The following SNX25 variants were observed in gnomAD, a reference collection of about 807,000 sequenced individuals.
The protein encoded by SNX25 is sorting nexin 25, also known as sorting nexin-25.
SNX25 carries 62 observed loss-of-function variants against 113.7 expected under a neutral mutation model. That is an observed-to-expected ratio of 0.55 (90% CI 0.44 to 0.67). The LOEUF is 0.67. Ranked by LOEUF, SNX25 falls within the 30% of genes least tolerant of loss-of-function variation. The pLI is 0.00. For missense variants in SNX25, 1,014 were observed against 1,161.0 expected (o/e 0.87, Z 1.84); for synonymous variants, 421 against 436.2 (o/e 0.97, Z 0.43).
At chr4:185,326,674 T>A (rs1018557643) in intron 9 of SNX25, among the ~76,000 whole-genome samples, 1 of 152,188 alleles carries the variant, frequency 6.6e-6, no homozygotes, top group Non-Finnish European at 1.5e-5. Context: ...CGAACACCAT[T>A]TTATATTTGA....
intron 1 of SNX25, among the ~76,000 whole-genome samples, chr4:185,221,893 C>T (rs1387924550): frequency 6.6e-6 from 1 of 152,090 alleles, no homozygotes; most frequent in Non-Finnish European, 1.5e-5. Flanking sequence ...TATCTTTCAA[C>T]TTACATATTC....
In SNX25 at chr4:185,295,574, C is replaced by T. The variant is rs771843930; in HGVS notation, c.1162+7492C>T. Among the ~76,000 whole-genome samples, 38 of 151,864 alleles carry T rather than the reference C, an allele frequency of 2.5e-4. No individual in the cohort carries two copies. In the Middle Eastern group the frequency reaches 0.01, roughly 41 times the overall value. The stretch of plus-strand genomic sequence containing the variant: ...AAGTGATCCTCCCACCTCAGCTTCC[C>T]GAGTAGCTGGGATGACAGGTGCACA... On this transcript the variant is annotated intron_variant, in intron 6 of 18. Coordinates refer to ENST00000652585, the MANE Select transcript of SNX25 (RefSeq NM_001378034.2).
intron 1 of SNX25, among the ~76,000 whole-genome samples, chr4:185,214,052 C>T (rs551587350): frequency 2.0e-5 from 3 of 151,710 alleles, no homozygotes; most frequent in Non-Finnish European, 4.4e-5. Context: ...AATTATTTCT[C>T]TCTCTCTTCT....
At chr4:185,240,627 G>A (rs569732656) in intron 1 of SNX25, among the ~76,000 whole-genome samples, 161 of 149,406 alleles carry the variant, frequency 1.1e-3, no homozygotes, top group African/African-American at 3.6e-3. Flanking sequence ...CCTCCCGGAC[G>A]GAGCGGCTGG....
At chr4:185,348,585 C>T (rs1434918381) in intron 13 of SNX25, among the ~76,000 whole-genome samples, 4 of 151,980 alleles carry the variant, frequency 2.6e-5, no homozygotes, top group African/African-American at 4.8e-5. Flanking sequence ...TTAGTAGAGA[C>T]GGGGTTTCAT....
At chr4:185,283,756 A>T (rs1750971072) in intron 5 of SNX25, among the ~76,000 whole-genome samples, 1 of 152,192 alleles carries the variant, frequency 6.6e-6, no homozygotes, top group African/African-American at 2.4e-5. Context: ...CCTTCTCTGT[A>T]ATGTGGACAT....
chr4:185,346,562 A>G lies in SNX25; in HGVS notation c.2213A>G (p.Gln738Arg), dbSNP rs893782692. The part of the protein sequence containing the change: ...SECVPSLKKV[Q>R]LPSLSKLPFK... ...TGCGTCCCTTCTTTAAAAAAAGTCCAGTTGCCTTCTCTTAGCAAGCTGCCT... is the reference window on the plus strand; with the variant it reads ...TGCGTCCCTTCTTTAAAAAAAGTCCGGTTGCCTTCTCTTAGCAAGCTGCCT... Residue 738 changes from glutamine to arginine, a missense_variant, in exon 13 of 19, where the codon CAG (glutamine) becomes CGG (arginine). Gln to Arg is a conservative substitution (Grantham distance 43). Coordinates refer to ENST00000652585, the MANE Select transcript of SNX25 (RefSeq NM_001378034.2). The G allele has an allele frequency of 1.3e-6, 2 of 1,597,244 alleles. No homozygotes were observed. Among genetic ancestry groups the G allele is most frequent in the African/African-American group, 2.7e-5 (2 of 73,748 alleles).
Position 185,302,045 on chromosome 4 carries a change from G to A in SNX25, c.1163-8590G>A, listed in dbSNP as rs111498344. 1.0e-4 allele frequency among the ~76,000 whole-genome samples: 15 copies of A among 150,542 alleles called. 1 individual carries two copies. Among genetic ancestry groups the A allele is most frequent in the Middle Eastern group, 3.5e-3 (1 of 288 alleles). ...CTCCTGAGTAGCTGGGATTACAGGT[G>A]CCCGTCACCACATGCAGCTAATTTT... On this transcript the variant is annotated intron_variant, in intron 6 of 18. Transcript: ENST00000652585.
intron 13 of SNX25, among the ~76,000 whole-genome samples, chr4:185,348,587 G>C (rs985651962): frequency 2.0e-5 from 3 of 152,110 alleles, no homozygotes; most frequent in South Asian, 4.2e-4. Context: ...AGTAGAGACG[G>C]GGTTTCATCA....
upstream of SNX25, among the ~76,000 whole-genome samples, chr4:185,204,860 AAGGAACTAG>A (rs544972960): frequency 1.6e-4 from 24 of 152,276 alleles, no homozygotes; most frequent in South Asian, 1.2e-3. Context: ...AAACCTCAGG[AAGGAACTAG>A]AGCCTGCAAA....
intron 4 of SNX25, 55 bp downstream of exon 4, chr4:185,264,665 A>T (rs1747801721): frequency 3.2e-6 from 5 of 1,546,160 alleles, no homozygotes; most frequent in Non-Finnish European, 4.5e-6. Flanking sequence ...CTAATGTGCT[A>T]CATGCAGACC....
chr4:185,243,847 TAAG>T (rs1744444381), intron 1 of SNX25, among the ~76,000 whole-genome samples: 1 of 151,854 alleles, frequency 6.6e-6, no homozygotes, highest in Non-Finnish European at 1.5e-5. Flanking sequence ...AGATAAAAAA[TAAG>T]AATAAAAAAT....
At chr4:185,374,457 T>C, downstream of SNX25, 1 of 1,604,808 alleles carries the variant, frequency 6.2e-7, no homozygotes, top group East Asian at 2.2e-5. Flanking sequence ...GTCCACCCCT[T>C]TCTCCTTCGA....
intron 1 of SNX25, among the ~76,000 whole-genome samples, chr4:185,224,528 CATATAT>C (rs1018148305): frequency 9.7e-6 from 1 of 103,458 alleles, no homozygotes; most frequent in African/African-American, 3.6e-5. Context: ...AATATATATA[CATATAT>C]ATAAATATAT....
intron 2 of SNX25, among the ~76,000 whole-genome samples, chr4:185,249,304 T>C (rs1745309686): frequency 6.6e-6 from 1 of 152,196 alleles, no homozygotes; most frequent in African/African-American, 2.4e-5. Flanking sequence ...CACCAACATT[T>C]GCTGTTGTTT....
intron 1 of SNX25, among the ~76,000 whole-genome samples, chr4:185,241,978 T>C (rs1744124438): frequency 6.6e-6 from 1 of 152,224 alleles, no homozygotes; most frequent in South Asian, 2.1e-4. Flanking sequence ...ATTCATGTTT[T>C]AAATTTGTTG....
At chr4:185,378,611 T>C in the SNX25 span, 12 of 991,194 alleles carry the variant, frequency 1.2e-5, no homozygotes, top group Non-Finnish European at 1.4e-5. Flanking sequence ...ATCGGACGAA[T>C]CCATTTCAAA....
Position 185,310,415 on chromosome 4 carries a change from G to T in SNX25, c.1163-220G>T, listed in dbSNP as rs1016155924. Among the ~76,000 whole-genome samples, 9 of 142,038 alleles carry T rather than the reference G, an allele frequency of 6.3e-5. No individual in the cohort carries two copies. Among genetic ancestry groups the T allele is most frequent in the Middle Eastern group, 3.5e-3 (1 of 282 alleles). The allele number at this position is 142,038 out of a possible 152,430, so 93.2% of individuals were successfully genotyped here. ...TTTTAAAAAAATGTTTTACCTTTGG[G>T]TAAGATTTGTCAGTGGTATATTTAG... On this transcript the variant is annotated intron_variant, in intron 6 of 18. Transcript: ENST00000652585.
chr4:185,325,951 A>G (rs1272037352), intron 9 of SNX25, among the ~76,000 whole-genome samples: 1 of 152,238 alleles, frequency 6.6e-6, no homozygotes, highest in Non-Finnish European at 1.5e-5. Flanking sequence ...CAGTCGAAGC[A>G]TGGGTAAAAA....
Sources: gnomAD v4.1 joint callset for allele counts (sites outside exome capture counted in the v4.1 genomes callset) on GRCh38, gnomAD v4.1.1 for gene constraint, MANE v1.5 for transcripts, NCBI Gene and HGNC (gene_info 2026-07-23, HGNC 2026-07-21) for gene names.